Variants in CASZ1 observed in about 807,000 individuals in gnomAD.
The protein encoded by CASZ1 is zinc finger protein castor homolog 1.
A neutral mutation model predicts 135.2 loss-of-function variants in CASZ1; 28 were observed. The observed-to-expected ratio is 0.21, with a 90% CI of 0.15 to 0.28. CASZ1 has a LOEUF of 0.28. CASZ1 is among the 10% of genes least tolerant of loss of function. The pLI, the probability that CASZ1 is intolerant of heterozygous loss-of-function variation, is 1.00. For synonymous variants in CASZ1, 1,068 were observed against 1,073.4 expected (o/e 0.99, Z 0.10); for missense variants, 2,161 against 2,453.3 (o/e 0.88, Z 2.52).
rs1423921655 is a variant in CASZ1, at chr1:10,694,947, G to T, written c.-23-1035C>A. 7.0e-6 allele frequency among the ~76,000 whole-genome samples: 1 copy of T among 143,304 alleles called. No individual in the cohort carries two copies. The highest frequency in any genetic ancestry group is 1.5e-5 in the Non-Finnish European group (1 of 64,724). The allele number at this position is 143,304 out of a possible 152,430, so 94.0% of individuals were successfully genotyped here. ...GCGGCCGCTCGGGCCCCGCGAGCGC[G>T]ACCGACGGCCGCCGCGCGCGCCTGC... On this transcript the variant is annotated intron_variant, in intron 3 of 20. Coordinates refer to ENST00000377022, the MANE Select transcript of CASZ1 (RefSeq NM_001079843.3). The surrounding 1 kb of genome is among the most constrained non-coding windows in gnomAD (Gnocchi z 6.6).
Position 10,665,270 on chromosome 1 carries a change from C to A in CASZ1, c.318G>T (p.Leu106Phe), listed in dbSNP as rs1643192310. The A allele has an allele frequency of 1.2e-6, 2 of 1,611,114 alleles. No homozygotes were observed. The highest frequency in any genetic ancestry group is 1.7e-6 in the Non-Finnish European group (2 of 1,178,302). The change falls in exon 5 of 21, where the codon TTG becomes TTT. Residue 106 changes from leucine (L) to phenylalanine (F), a missense_variant. This residue lies in a region of CASZ1 where 590 missense variants were observed against 609.8 expected (regional missense o/e 0.97). Coordinates refer to ENST00000377022, the MANE Select transcript of CASZ1 (RefSeq NM_001079843.3). ...CCAGGCCCTCGCGGGCAATCCGCCC[C>A]AACACGGGTGTGGGTGCCGGCTCCT... ...YSEEPAPTPV[L>F]GRIAREGLEL...
At position 10,777,634 on chromosome 1, in the gene CASZ1, A is replaced by G. The variant is rs1359827339; in HGVS notation, c.-233-16777T>C. Among the ~76,000 whole-genome samples, 1 of 152,068 alleles carries G rather than the reference A, an allele frequency of 6.6e-6. No homozygotes were observed. Among genetic ancestry groups the G allele is most frequent in the African/African-American group, 2.4e-5 (1 of 41,402 alleles). ...CACACACACAAACACAATCTCATACACAACCACTTACACTCATTTTCACAC... is the reference window on the plus strand; with the variant it reads ...CACACACACAAACACAATCTCATACGCAACCACTTACACTCATTTTCACAC... On this transcript the variant is annotated intron_variant, in intron 1 of 20. Transcript: ENST00000377022. The surrounding 1 kb of genome is among the most constrained non-coding windows in gnomAD (Gnocchi z 4.4).
chr1:10,644,144 C>T (rs1037417368), intron 18 of CASZ1, among the ~76,000 whole-genome samples: 5 of 152,024 alleles, frequency 3.3e-5, no homozygotes, highest in South Asian at 2.1e-4. Context: ...CAGGCCACAA[C>T]GGGCCTTGCC....
At position 10,697,186 on chromosome 1, in the gene CASZ1, G is replaced by A. The variant is rs1055748032; in HGVS notation, c.-23-3274C>T. Among the ~76,000 whole-genome samples the A allele has an allele frequency of 3.3e-5, 5 of 152,190 alleles. No individual in the cohort carries two copies. The highest frequency in any genetic ancestry group is 7.3e-5 in the Non-Finnish European group (5 of 68,034). The stretch of plus-strand genomic sequence containing the variant: ...GGTCAGAGAAGGCGGCGGAGGCTTC[G>A]AGGTTGTGGGGTATGAGTCAGAGGC... On this transcript the variant is annotated intron_variant, in intron 3 of 20. Coordinates refer to ENST00000377022, the MANE Select transcript of CASZ1 (RefSeq NM_001079843.3). The surrounding 1 kb of genome is among the most constrained non-coding windows in gnomAD (Gnocchi z 4.7).
chr1:10,697,640 C>T lies in CASZ1; in HGVS notation c.-23-3728G>A, dbSNP rs1338808571. On this transcript the variant is annotated intron_variant, in intron 3 of 20. Coordinates refer to ENST00000377022, the MANE Select transcript of CASZ1 (RefSeq NM_001079843.3). The surrounding 1 kb of genome is among the most constrained non-coding windows in gnomAD (Gnocchi z 4.7). The stretch of plus-strand genomic sequence containing the variant: ...CACCTACACTCTCTCCCTCCCGAGC[C>T]TGGGGCCTTCTCACTCACCAGCCTG... Among the ~76,000 whole-genome samples, 1 of 152,168 alleles carries T rather than the reference C, an allele frequency of 6.6e-6. No individual in the cohort carries two copies. The highest frequency in any genetic ancestry group is 1.5e-5 in the Non-Finnish European group (1 of 68,032).
rs1642083126 is a variant in CASZ1 at position 10,638,812 on chromosome 1, T to C, written c.*130A>G. ...AGCACCAGAGGGGTCCCCGCCTCTG[T>C]CCTGAGACGGACTCGGGGTCCGGAA... is the stretch of plus-strand genomic sequence containing the variant. On this transcript the variant is annotated 3_prime_UTR_variant, in exon 21 of 21. Transcript: ENST00000377022. This position sits in a 1 kb window ranked among gnomAD's most constrained non-coding sequence, Gnocchi z 5.9. The C allele has an allele frequency of 2.2e-6, 2 of 909,450 alleles. No individual in the cohort carries two copies. The highest frequency in any genetic ancestry group is 2.6e-6 in the Non-Finnish European group (2 of 761,270). 56.3% of individuals were successfully genotyped at this position (909,450 alleles called of 1,614,324 possible).
At chr1:10,728,757 A>C (rs1458347622) in intron 2 of CASZ1, among the ~76,000 whole-genome samples, 1 of 151,816 alleles carries the variant, frequency 6.6e-6, no homozygotes, top group East Asian at 1.9e-4. Context: ...CCGTCACATG[A>C]GAGGGGGGAC....
At chr1:10,680,319 G>C (rs902199357) in intron 4 of CASZ1, among the ~76,000 whole-genome samples, 1 of 151,954 alleles carries the variant, frequency 6.6e-6, no homozygotes, top group African/African-American at 2.4e-5. Flanking sequence ...GCCGGCTCTG[G>C]GGGTGGAGGA....
At chr1:10,667,943 GC>G (rs1156750910) in intron 4 of CASZ1, among the ~76,000 whole-genome samples, 1 of 146,796 alleles carries the variant, frequency 6.8e-6, no homozygotes, top group African/African-American at 2.5e-5. Flanking sequence ...CCCAGGACCC[GC>G]CCCCAGCCCC....
intron 18 of CASZ1, among the ~76,000 whole-genome samples, chr1:10,643,859 C>T (rs1049761958): frequency 6.6e-6 from 1 of 152,204 alleles, no homozygotes; most frequent in African/African-American, 2.4e-5. Context: ...TTTGTTTGGC[C>T]CCAACTATCG....
chr1:10,665,390 G>T lies in CASZ1; in HGVS notation c.198C>A (p.Arg66=), dbSNP rs755078105. ...GGGCTGCCCCAGACTCAGGGCCACT[G>T]CGCTCTTGGTCCCGGGGCTGCGATG... is the stretch of plus-strand genomic sequence containing the variant. ...GSPSQPRDQE[R]SGPESGAARA... Residue 66 remains arginine (R), a synonymous_variant, in exon 5 of 21, where the codon CGC becomes CGA. Coordinates refer to ENST00000377022, the MANE Select transcript of CASZ1 (RefSeq NM_001079843.3). 20 of 1,612,696 alleles carry T rather than the reference G, an allele frequency of 1.2e-5. No individual in the cohort carries two copies. The East Asian group carries it at 4.2e-4, about 34-fold the overall frequency.
chr1:10,788,708 C>G lies in CASZ1; in HGVS notation c.-234+7856G>C, dbSNP rs1640901478. ...AGTGTCCCTGACCGCTGCCTCCTCA[C>G]CCGGGAGCTGCCCCGGCCTCATCCT... is the stretch of plus-strand genomic sequence containing the variant. On this transcript the variant is annotated intron_variant, in intron 1 of 20. Transcript: ENST00000377022. The surrounding 1 kb of genome is among the most constrained non-coding windows in gnomAD (Gnocchi z 4.1). Among the ~76,000 whole-genome samples, 1 of 152,202 alleles carries G rather than the reference C, an allele frequency of 6.6e-6. No homozygotes were observed. The highest frequency in any genetic ancestry group is 1.5e-5 in the Non-Finnish European group (1 of 68,034).
chr1:10,728,393 G>C (rs1639634863), intron 2 of CASZ1, among the ~76,000 whole-genome samples: 1 of 152,168 alleles, frequency 6.6e-6, no homozygotes, highest in African/African-American at 2.4e-5. Context: ...AAAACTAGGT[G>C]CAATGTGCAA....
chr1:10,786,327 T>A (rs1251969586), intron 1 of CASZ1, among the ~76,000 whole-genome samples: 1 of 151,356 alleles, frequency 6.6e-6, no homozygotes, highest in Non-Finnish European at 1.5e-5. Flanking sequence ...GTGGGCAGAG[T>A]CTTCATTCTC....
At chr1:10,712,212 G>C (rs528534785) in intron 2 of CASZ1, among the ~76,000 whole-genome samples, 52 of 152,242 alleles carry the variant, frequency 3.4e-4, no homozygotes, top group African/African-American at 1.2e-3. Flanking sequence ...CGGGCATGGT[G>C]GTGGGCGCCT....
chr1:10,795,496 C>T (rs992131312), intron 1 of CASZ1, among the ~76,000 whole-genome samples: 1 of 152,152 alleles, frequency 6.6e-6, no homozygotes, highest in Non-Finnish European at 1.5e-5. Context: ...AGAGCCCCCC[C>T]GGAGCGCACC....
At chr1:10,650,497 G>A (rs1642532564) in intron 13 of CASZ1, 195 bp downstream of exon 13, 1 of 556,664 alleles carries the variant, frequency 1.8e-6, no homozygotes, top group Admixed American at 3.3e-5. Flanking sequence ...TATTTCTTCA[G>A]CCAGTTCATT....
At position 10,720,186 on chromosome 1, in the gene CASZ1, C is replaced by T. The variant is rs796300974; in HGVS notation, c.-76-14642G>A. On this transcript the variant is annotated intron_variant, in intron 2 of 20. Coordinates refer to ENST00000377022, the MANE Select transcript of CASZ1 (RefSeq NM_001079843.3). The surrounding 1 kb of genome is among the most constrained non-coding windows in gnomAD (Gnocchi z 5.7). ...TTGTCTATAAAATGCACGCGATGAT[C>T]GTGCCTGTCGCAGGGGGCTGTGGTG... Among the ~76,000 whole-genome samples, 63 of 152,306 alleles carry T rather than the reference C, an allele frequency of 4.1e-4. No individual in the cohort carries two copies. Among genetic ancestry groups the T allele is most frequent in the African/African-American group, 1.5e-3 (62 of 41,562 alleles).
chr1:10,650,532 T>C lies in CASZ1; in HGVS notation c.2880+160A>G. ...TAAATTAATTTGTAAGCAGTGGCTC[T>C]GAAATTATATCCGATGAAAAATGGC... On this transcript the variant is annotated intron_variant, in intron 13 of 20. Coordinates refer to ENST00000377022, the MANE Select transcript of CASZ1 (RefSeq NM_001079843.3). 4.7e-6 allele frequency: 3 copies of C among 634,484 alleles called. No homozygotes were observed. In the South Asian group the frequency reaches 6.2e-5, roughly 13 times the overall value. The allele number at this position is 634,484 out of a possible 1,614,324, so 39.3% of individuals were successfully genotyped here. A position where few individuals can be genotyped will look rare whatever the true frequency, so the allele number is the denominator to read the frequency against.
Sources: gnomAD v4.1 joint callset for allele counts (sites outside exome capture counted in the v4.1 genomes callset) on GRCh38, gnomAD v4.1.1 for gene constraint, gnomAD v4.1.1 regional missense constraint, Gnocchi (gnomAD v3.1) non-coding constraint, MANE v1.5 for transcripts, NCBI Gene and HGNC (gene_info 2026-07-23, HGNC 2026-07-21) for gene names.